RAVER2: variants seen among roughly 807,000 people sequenced by gnomAD.
The protein encoded by RAVER2 is ribonucleoprotein PTB-binding 2.
In RAVER2, 46 loss-of-function variants were observed where a neutral mutation model predicts 78.1. The ratio of observed to expected loss-of-function variants is 0.59; its 90% CI spans 0.46 to 0.75. The LOEUF is 0.75. Among genes scored for constraint, RAVER2 ranks in the 30% least tolerant of loss-of-function variants. The pLI is 0.00. For missense variants in RAVER2, 793 were observed against 837.5 expected, an observed-to-expected ratio of 0.95 and a Z score of 0.66; for synonymous variants, 311 against 313.3, an observed-to-expected ratio of 0.99 and a Z score of 0.08.
At chr1:64,793,577 T>C (rs1653003237) in intron 5 of RAVER2, among the ~76,000 whole-genome samples, 1 of 152,244 alleles carries the variant, frequency 6.6e-6, no homozygotes, top group Non-Finnish European at 1.5e-5. Flanking sequence ...TGAGGAATAG[T>C]TTATGTACAT....
chr1:64,783,169 T>A (rs953343034), intron 4 of RAVER2, among the ~76,000 whole-genome samples: 1 of 152,218 alleles, frequency 6.6e-6, no homozygotes, highest in African/African-American at 2.4e-5. Flanking sequence ...TTTGCTATTG[T>A]GAATAGTGCC....
intron 1 of RAVER2, among the ~76,000 whole-genome samples, chr1:64,754,528 ACT>A (rs1651796961): frequency 6.6e-6 from 1 of 151,944 alleles, no homozygotes; most frequent in Non-Finnish European, 1.5e-5. Flanking sequence ...GCAATGTACC[ACT>A]CTGTTAGCTT....
At chr1:64,802,584 A>G (rs1376923939) in intron 5 of RAVER2, among the ~76,000 whole-genome samples, 2 of 152,198 alleles carry the variant, frequency 1.3e-5, no homozygotes, top group Non-Finnish European at 2.9e-5. Flanking sequence ...CTTTTCAAGG[A>G]CAAGGATTGT....
chr1:64,759,653 A>G (rs1274554491), intron 1 of RAVER2, among the ~76,000 whole-genome samples: 1 of 151,208 alleles, frequency 6.6e-6, no homozygotes, highest in Non-Finnish European at 1.5e-5. Flanking sequence ...AGTAGCTGGG[A>G]CTACAGGCGC....
chr1:64,777,801 T>C (rs1313375304), exon 3 of RAVER2: 2 of 1,614,136 alleles, frequency 1.2e-6, no homozygotes, highest in Admixed American at 1.7e-5. Context: ...TTCGTGCTTA[T>C]GGAAATATTG....
chr1:64,812,873 G>A, intron 10 of RAVER2, 24 bp downstream of exon 10: 2 of 1,497,638 alleles, frequency 1.3e-6, no homozygotes, highest in Non-Finnish European at 1.8e-6. Context: ...CAGTATTCTT[G>A]TTGTGGAGTT....
chr1:64,747,271 C>T (rs187671476), intron 1 of RAVER2, among the ~76,000 whole-genome samples: 2 of 152,132 alleles, frequency 1.3e-5, no homozygotes. Context: ...ATTATAATGT[C>T]TGCTTTTTCT....
At chr1:64,797,232 G>A (rs1413351072) in intron 5 of RAVER2, among the ~76,000 whole-genome samples, 1 of 152,142 alleles carries the variant, frequency 6.6e-6, no homozygotes, top group African/African-American at 2.4e-5. Flanking sequence ...CAACATGGTT[G>A]ATAGTGTTCA....
chr1:64,795,300 C>G (rs898531058), intron 5 of RAVER2, among the ~76,000 whole-genome samples: 2 of 152,028 alleles, frequency 1.3e-5, no homozygotes, highest in Admixed American at 1.3e-4. Flanking sequence ...ATTCCAGGTT[C>G]TTTGCATTGA....
intron 4 of RAVER2, among the ~76,000 whole-genome samples, chr1:64,789,027 C>T (rs574762145): frequency 6.6e-6 from 1 of 152,184 alleles, no homozygotes. Flanking sequence ...TTTAAATCAA[C>T]ATTATAAGAA....
At chr1:64,817,158 C>T (rs1400927909) in intron 11 of RAVER2, among the ~76,000 whole-genome samples, 3 of 152,170 alleles carry the variant, frequency 2.0e-5, no homozygotes, top group Non-Finnish European at 4.4e-5. Context: ...AAAAAATGCT[C>T]ATCATCACTG....
chr1:64,747,814 C>G (rs1180844803), intron 1 of RAVER2, among the ~76,000 whole-genome samples: 2 of 152,118 alleles, frequency 1.3e-5, no homozygotes, highest in Non-Finnish European at 2.9e-5. Flanking sequence ...TGTGCCTGGC[C>G]TCATTTCTTT....
intron 5 of RAVER2, among the ~76,000 whole-genome samples, chr1:64,800,281 G>A (rs1348525910): frequency 3.3e-5 from 5 of 152,010 alleles, no homozygotes; most frequent in Non-Finnish European, 7.4e-5. Context: ...TGCAGAAGCT[G>A]TTTAGTTTGA....
intron 5 of RAVER2, among the ~76,000 whole-genome samples, chr1:64,797,899 TTAAAG>T (rs938239862): frequency 1.6e-4 from 25 of 152,158 alleles, no homozygotes; most frequent in African/African-American, 5.1e-4. Flanking sequence ...ATGTGTGACT[TTAAAG>T]TAATGTAGTT....
chr1:64,804,705 A>T (rs1653362179), intron 6 of RAVER2, 29 bp from the exon 7 acceptor site: 1 of 1,144,110 alleles, frequency 8.7e-7, no homozygotes, highest in Non-Finnish European at 1.3e-6. Context: ...TTTCAAAATT[A>T]AACTGACAAC....
chr1:64,822,070 G>A (rs1224439093), intron 11 of RAVER2, among the ~76,000 whole-genome samples: 3 of 152,158 alleles, frequency 2.0e-5, no homozygotes, highest in Non-Finnish European at 2.9e-5. Context: ...GGCGGATCAC[G>A]AGGTCAGGAG....
chr1:64,824,309 A>C (rs1296160910), intron 11 of RAVER2, among the ~76,000 whole-genome samples: 2 of 152,218 alleles, frequency 1.3e-5, no homozygotes, highest in Non-Finnish European at 2.9e-5. Context: ...GGAAAGAAAA[A>C]TGAACAAAAG....
intron 7 of RAVER2, 69 bp downstream of exon 7, chr1:64,804,907 GTTGT>G (rs1653370199): frequency 7.3e-6 from 11 of 1,514,570 alleles, no homozygotes; most frequent in African/African-American, 1.4e-5. Flanking sequence ...TGTGGATCAG[GTTGT>G]TTATGAATTT....
At chr1:64,768,541 T>C in intron 1 of RAVER2, 115 bp from the exon 2 acceptor site, 1 of 692,000 alleles carries the variant, frequency 1.4e-6, no homozygotes, top group Non-Finnish European at 2.6e-6. Context: ...TAATTTTTTT[T>C]TTTTACATGG....
Sources: gnomAD v4.1 joint callset for allele counts (sites outside exome capture counted in the v4.1 genomes callset) on GRCh38, gnomAD v4.1.1 for gene constraint, MANE v1.5 for transcripts, NCBI Gene and HGNC (gene_info 2026-07-23, HGNC 2026-07-21) for gene names.